The following TMED5 variants were observed in gnomAD, a reference collection of about 807,000 sequenced individuals.
TMED5 encodes transmembrane p24 trafficking protein 5, also known as transmembrane emp24 domain-containing protein 5.
TMED5 carries 27 observed loss-of-function variants against 23.0 expected under a neutral mutation model. The observed-to-expected ratio is 1.17, with a 90% confidence interval of 0.86 to 1.62. TMED5 has a LOEUF of 1.62. Ranked by LOEUF, TMED5 falls within the 40% of genes most tolerant of loss-of-function variation. The probability of loss-of-function intolerance (pLI) is 0.00; values close to 1 mark genes in which losing one functional copy is unlikely to be tolerated. For missense variants in TMED5, 248 were observed against 273.7 expected, an observed-to-expected ratio of 0.91 and a Z score of 0.66; for synonymous variants, 97 against 100.8, an observed-to-expected ratio of 0.96 and a Z score of 0.23.
intron 1 of TMED5, among the ~76,000 whole-genome samples, chr1:93,177,172 G>A (rs1467245104): frequency 6.6e-6 from 1 of 152,140 alleles, no homozygotes; most frequent in Non-Finnish European, 1.5e-5. Context: ...AATACAAACA[G>A]GGTGGAAGAT....
Position 93,180,303 on chromosome 1 carries a change from T to C in TMED5, c.-61A>G. The C allele has an allele frequency of 7.2e-6, 11 of 1,524,134 alleles. No homozygotes were observed. Among genetic ancestry groups the C allele is most frequent in the Non-Finnish European group, 9.7e-6 (11 of 1,135,960 alleles). The allele number at this position is 1,524,134 out of a possible 1,614,324, so 94.4% of individuals were successfully genotyped here. On this transcript the variant is annotated 5_prime_UTR_variant, in exon 1 of 4. Transcript: ENST00000370282. ...AGGTACTGTTGTCTCCGCTCCGCGT[T>C]TCCTCTCTGGACTCCTCGTGGTTGA...
chr1:93,157,956 C>T (rs1557572423), intron 2 of TMED5, among the ~76,000 whole-genome samples: 1 of 151,952 alleles, frequency 6.6e-6, no homozygotes, highest in Non-Finnish European at 1.5e-5. Context: ...AACCCCGTCT[C>T]TACTAAAAAG....
Position 93,156,297 on chromosome 1 carries a change from G to T in TMED5, c.471+3C>A. ...TTTTATTTTATTAGAAGACCATACT[G>T]ACCAGGATGTCTTCCAGTTTCATAT... On this transcript the variant is annotated splice_donor_region_variant and intron_variant, in intron 3 of 3. Coordinates refer to ENST00000370282, the MANE Select transcript of TMED5 (RefSeq NM_016040.5). 6.2e-7 allele frequency: 1 copy of T among 1,612,072 alleles called. No individual in the cohort carries two copies. Among genetic ancestry groups the T allele is most frequent in the South Asian group, 1.1e-5 (1 of 90,972 alleles).
intron 1 of TMED5, among the ~76,000 whole-genome samples, chr1:93,171,283 TC>T (rs1648723363): frequency 1.3e-5 from 2 of 151,886 alleles, no homozygotes; most frequent in Admixed American, 1.3e-4. Flanking sequence ...AGGAAGAAAC[TC>T]CGAACACATC....
At chr1:93,158,122 CAAA>C (rs755186139) in intron 2 of TMED5, among the ~76,000 whole-genome samples, 6 of 69,710 alleles carry the variant, frequency 8.6e-5, no homozygotes, top group Admixed American at 1.5e-4. Flanking sequence ...GACTCCGTCT[CAAA>C]AAAAAAAAAA....
intron 1 of TMED5, among the ~76,000 whole-genome samples, chr1:93,166,095 C>G (rs1272842689): frequency 1.3e-5 from 2 of 152,224 alleles, no homozygotes; most frequent in African/African-American, 4.8e-5. Context: ...GACAAGATCT[C>G]ATTCTTCTTT....
intron 3 of TMED5, chr1:93,156,023 A>G: frequency 7.1e-7 from 1 of 1,404,140 alleles, no homozygotes; most frequent in Non-Finnish European, 9.5e-7. Context: ...GCACATTTAT[A>G]AAACAAACTT....
intron 1 of TMED5, among the ~76,000 whole-genome samples, chr1:93,178,607 T>C (rs940059660): frequency 6.6e-6 from 1 of 152,132 alleles, no homozygotes; most frequent in African/African-American, 2.4e-5. Context: ...CCCACCTCCA[T>C]GCACAATTCC....
chr1:93,170,804 T>C (rs55940503), intron 1 of TMED5, among the ~76,000 whole-genome samples: 4,344 of 152,302 alleles, frequency 0.029, 196 homozygotes, highest in African/African-American at 0.098. Context: ...CCACACTCTC[T>C]GTATCTAGCT....
Position 93,153,612 on chromosome 1 carries a change from C to G in TMED5, c.*1058G>C, listed in dbSNP as rs1647957357. The G allele has an allele frequency of 6.6e-6, 1 of 152,056 alleles. No homozygotes were observed. Among genetic ancestry groups the G allele is most frequent in the African/African-American group, 2.4e-5 (1 of 41,418 alleles). The allele number at this position is 152,056 out of a possible 1,614,324, so 9.4% of individuals were successfully genotyped here. A position where few individuals can be genotyped will look rare whatever the true frequency, so the allele number is the denominator to read the frequency against. On this transcript the variant is annotated 3_prime_UTR_variant, in exon 4 of 4. Transcript: ENST00000370282. Reference sequence around the variant, plus strand: ...AGATTCTAGATATTTATTTATAGTTCTACTTAAGTGAATTTTATTTTGGAT... The same window carrying G: ...AGATTCTAGATATTTATTTATAGTTGTACTTAAGTGAATTTTATTTTGGAT...
At chr1:93,165,420 A>G (rs985644927) in intron 1 of TMED5, among the ~76,000 whole-genome samples, 6 of 152,236 alleles carry the variant, frequency 3.9e-5, no homozygotes, top group Non-Finnish European at 5.9e-5. Context: ...CAACATGTGG[A>G]TAAGTGAAAT....
Position 93,180,408 on chromosome 1 carries a change from T to C in TMED5, c.-166A>G. 1 of 1,233,774 alleles carries C rather than the reference T, an allele frequency of 8.1e-7. No homozygotes were observed. Among genetic ancestry groups the C allele is most frequent in the Non-Finnish European group, 1.1e-6 (1 of 894,198 alleles). 76.4% of individuals were successfully genotyped at this position (1,233,774 alleles called of 1,614,324 possible). On this transcript the variant is annotated 5_prime_UTR_variant, in exon 1 of 4. Transcript: ENST00000370282. Reference sequence around the variant, plus strand: ...CACTCCCTCCGAAAGAGAAGCGCAGTTCTCCAAAGGGTAGGGACTCTGGGC... The same window carrying C: ...CACTCCCTCCGAAAGAGAAGCGCAGCTCTCCAAAGGGTAGGGACTCTGGGC...
At chr1:93,156,518 G>T in intron 2 of TMED5, 35 bp from the exon 3 acceptor site, 1 of 1,544,714 alleles carries the variant, frequency 6.5e-7, no homozygotes, top group Non-Finnish European at 8.9e-7. Flanking sequence ...TAAGTTACCT[G>T]TATTTCTATT....
intron 1 of TMED5, chr1:93,160,815 C>G (rs1052030569): frequency 3.9e-5 from 6 of 152,370 alleles, no homozygotes; most frequent in African/African-American, 1.4e-4. Flanking sequence ...GACAGTGAGA[C>G]TCGGTACCCC....
At chr1:93,168,604 G>A (rs1044871695) in intron 1 of TMED5, among the ~76,000 whole-genome samples, 1 of 152,200 alleles carries the variant, frequency 6.6e-6, no homozygotes, top group Admixed American at 6.5e-5. Flanking sequence ...GGGAGGCTGA[G>A]GCAGGCGGAT....
chr1:93,170,169 G>A (rs1397136603), intron 1 of TMED5, among the ~76,000 whole-genome samples: 3 of 152,362 alleles, frequency 2.0e-5, no homozygotes, highest in Admixed American at 1.3e-4. Flanking sequence ...CTCTGGCCAC[G>A]CCTGAGGAGC....
In TMED5 at chr1:93,153,279, C is replaced by T. The variant is rs528120636; in HGVS notation, c.*1391G>A. On this transcript the variant is annotated 3_prime_UTR_variant, in exon 4 of 4. Coordinates refer to ENST00000370282, the MANE Select transcript of TMED5 (RefSeq NM_016040.5). ...AACTTTGTTGTATATATGGGTTATT[C>T]ACATTTAGGTGTTTAAAACTTGGGA... The T allele has an allele frequency of 1.6e-4, 25 of 152,302 alleles. No individual in the cohort carries two copies. The highest frequency in any genetic ancestry group is 4.3e-4 in the African/African-American group (18 of 41,564). The allele number at this position is 152,302 out of a possible 1,614,324, so 9.4% of individuals were successfully genotyped here. A position where few individuals can be genotyped will look rare whatever the true frequency, so the allele number is the denominator to read the frequency against.
intron 1 of TMED5, among the ~76,000 whole-genome samples, chr1:93,176,528 A>C (rs78875583): frequency 1.6e-5 from 2 of 128,530 alleles, no homozygotes; most frequent in Admixed American, 7.5e-5. Context: ...CACACACACA[A>C]ACATATATAT....
chr1:93,170,979 A>C (rs1319991862), intron 1 of TMED5, among the ~76,000 whole-genome samples: 4 of 152,190 alleles, frequency 2.6e-5, no homozygotes, highest in East Asian at 1.9e-4. Flanking sequence ...GAATTAAAGC[A>C]GGCTGCCTCA....
Sources: allele counts gnomAD v4.1 joint callset (sites outside exome capture counted in the v4.1 genomes callset), GRCh38; gene constraint gnomAD v4.1.1; transcripts MANE v1.5; gene names NCBI Gene and HGNC (gene_info 2026-07-23, HGNC 2026-07-21).